SMARCA2: variants seen among roughly 807,000 people sequenced by gnomAD.
The protein encoded by SMARCA2 is SWI/SNF-related matrix-associated actin-dependent regulator of chromatin subfamily A member 2.
SMARCA2 carries 61 observed loss-of-function variants against 199.8 expected under a neutral mutation model. The ratio of observed to expected loss-of-function variants is 0.31; its 90% confidence interval spans 0.25 to 0.38. The LOEUF is 0.38. Among genes scored for constraint, SMARCA2 ranks in the 10% least tolerant of loss-of-function variants. SMARCA2 has a pLI of 1.00. For missense variants in SMARCA2, 1,344 were observed against 2,012.2 expected (o/e 0.67, Z 6.35); for synonymous variants, 935 against 732.0 (o/e 1.28, Z -4.48).
intron 27 of SMARCA2, chr9:2,157,539 A>C: frequency 1.0e-5 from 2 of 198,548 alleles, no homozygotes; most frequent in Non-Finnish European, 2.0e-5. Flanking sequence ...CTGAAATAGC[A>C]GAGTTAGTGT....
chr9:2,160,377 T>C lies in SMARCA2; in HGVS notation c.3982-1309T>C, dbSNP rs1274601226. 4.3e-5 allele frequency: 23 copies of C among 534,230 alleles called. No homozygotes were observed. In the East Asian group the frequency reaches 6.4e-4, roughly 15 times the overall value. The allele number at this position is 534,230 out of a possible 1,614,324, so 33.1% of individuals were successfully genotyped here. ...AATCTGTCTGTGTGCATGTTGCTTC[T>C]ATGGATTTGCACATTGGAGGATGCG... On this transcript the variant is annotated intron_variant, in intron 27 of 33. Coordinates refer to ENST00000349721, the MANE Select transcript of SMARCA2 (RefSeq NM_003070.5).
At chr9:2,065,507 T>C (rs1820801308) in intron 9 of SMARCA2, among the ~76,000 whole-genome samples, 1 of 152,182 alleles carries the variant, frequency 6.6e-6, no homozygotes, top group South Asian at 2.1e-4. Flanking sequence ...GACTGTGATA[T>C]TTTGCAGGTT....
intron 3 of SMARCA2, among the ~76,000 whole-genome samples, chr9:2,037,726 A>G (rs1819394534): frequency 6.6e-6 from 1 of 152,162 alleles, no homozygotes; most frequent in Non-Finnish European, 1.5e-5. Context: ...CTTTGTGAGA[A>G]CTGTGACACG....
chr9:2,189,716 G>C (rs952642587), intron 32 of SMARCA2, among the ~76,000 whole-genome samples: 1 of 151,958 alleles, frequency 6.6e-6, no homozygotes, highest in Non-Finnish European at 1.5e-5. Flanking sequence ...GGGTATAATA[G>C]ATAGAAGCCT....
Position 2,119,599 on chromosome 9 carries a change from GAAT to G in SMARCA2, c.3762+65_3762+67del. The G allele has an allele frequency of 8.8e-7, 1 of 1,136,098 alleles. No individual in the cohort carries two copies. Among genetic ancestry groups the G allele is most frequent in the African/African-American group, 1.5e-5 (1 of 65,818 alleles). 70.4% of individuals were successfully genotyped at this position (1,136,098 alleles called of 1,614,324 possible). On this transcript the variant is annotated intron_variant, in intron 26 of 33. Coordinates refer to ENST00000349721, the MANE Select transcript of SMARCA2 (RefSeq NM_003070.5). The surrounding 1 kb of genome is among the most constrained non-coding windows in gnomAD (Gnocchi z 4.6). ...CCTCTGCCCCTTTTTCTGTTAAGCA[GAAT>G]GTCTGCAGCCTGCGTGCCTGGCAGA...
chr9:2,050,917 CTG>C (rs1820090532), intron 5 of SMARCA2, among the ~76,000 whole-genome samples: 1 of 152,206 alleles, frequency 6.6e-6, no homozygotes, highest in Non-Finnish European at 1.5e-5. Context: ...ACTGTTCAAT[CTG>C]TATGAAAAAC....
rs191101061 is a variant in SMARCA2 at position 2,180,753 on chromosome 9, C to G, written c.4254-818C>G. Among the ~76,000 whole-genome samples the G allele has an allele frequency of 3.5e-3, 534 of 152,304 alleles. 2 individuals carry two copies. Among genetic ancestry groups the G allele is most frequent in the African/African-American group, 0.012 (509 of 41,566 alleles). On this transcript the variant is annotated intron_variant, in intron 29 of 33. Transcript: ENST00000349721. The stretch of plus-strand genomic sequence containing the variant: ...TTCCAACAGTAAGTGATGTTAAAAG[C>G]TCATATGCTTTGTAGCCTGTGTTTG...
At chr9:2,078,802 G>A (rs1279942143) in intron 14 of SMARCA2, among the ~76,000 whole-genome samples, 3 of 152,000 alleles carry the variant, frequency 2.0e-5, no homozygotes, top group Admixed American at 1.3e-4. Context: ...AAAATTAGCT[G>A]GGTGTGGTGG....
In SMARCA2 at chr9:2,060,919, A is replaced by G. The variant is rs767419753; in HGVS notation, c.1625A>G (p.Asn542Ser). The change falls in exon 9 of 34, where the codon AAT becomes AGT. Residue 542 changes from asparagine (N) to serine (S), a missense_variant. This residue lies in a region of SMARCA2 where 68 missense variants were observed against 70.4 expected (regional missense o/e 0.97). Transcript: ENST00000349721. ...GATGAGTATGTAGCCAATCTGACCAATCTGGTTTGGGAGCACAAGCAAGCC... is the reference window on the plus strand; with the variant it reads ...GATGAGTATGTAGCCAATCTGACCAGTCTGGTTTGGGAGCACAAGCAAGCC... ...QTDEYVANLT[N>S]LVWEHKQAQA... 7 of 1,614,144 alleles carry G rather than the reference A, an allele frequency of 4.3e-6. No homozygotes were observed. The highest frequency in any genetic ancestry group is 1.7e-5 in the Admixed American group (1 of 60,024).
intron 28 of SMARCA2, among the ~76,000 whole-genome samples, chr9:2,165,516 T>C (rs1825891013): frequency 6.6e-6 from 1 of 152,186 alleles, no homozygotes; most frequent in Non-Finnish European, 1.5e-5. Flanking sequence ...GTAGTACTGG[T>C]CTGTTGCTAC....
intron 25 of SMARCA2, among the ~76,000 whole-genome samples, chr9:2,117,822 G>T (rs1282500635): frequency 1.3e-5 from 2 of 152,186 alleles, no homozygotes; most frequent in East Asian, 1.9e-4. Flanking sequence ...CTTCTTGGCT[G>T]CCAGTGTGTC....
chr9:2,123,802 C>T lies in SMARCA2; in HGVS notation c.3846C>T (p.Ser1282=). 5 of 1,613,766 alleles carry T rather than the reference C, an allele frequency of 3.1e-6. No individual in the cohort carries two copies. In the South Asian group the frequency reaches 3.3e-5, roughly 11 times the overall value. The change falls in exon 27 of 34, where the codon TCC becomes TCT. Residue 1282 remains serine, a synonymous_variant. Coordinates refer to ENST00000349721, the MANE Select transcript of SMARCA2 (RefSeq NM_003070.5). The surrounding 1 kb of genome is among the most constrained non-coding windows in gnomAD (Gnocchi z 4.1). ...PRLMEEDELP[S]WIIKDDAEVE... ...TAATGGAGGAGGATGAGCTGCCCTCCTGGATCATTAAGGATGACGCTGAAG... is the reference window on the plus strand; with the variant it reads ...TAATGGAGGAGGATGAGCTGCCCTCTTGGATCATTAAGGATGACGCTGAAG...
In SMARCA2 at chr9:2,047,227, AGGCCCGGGGCCGGAGCTGAGC is replaced by A. The variant is rs1406658719; in HGVS notation, c.796_816del (p.Gly266_Pro272del). ...GCTGCCCATGTCGCTCTTGTCCCGC[AGGCCCGGGGCCGGAGCTGAGC>A]GGCCCGAGCACCCCGCAGAAGCTGC... On this transcript the variant is annotated splice_acceptor_variant and coding_sequence_variant, in exon 5 of 34. Coordinates refer to ENST00000349721, the MANE Select transcript of SMARCA2 (RefSeq NM_003070.5). LOFTEE classifies it high-confidence loss of function. 1.1e-5 allele frequency: 11 copies of A among 1,009,404 alleles called. No individual in the cohort carries two copies. Among genetic ancestry groups the A allele is most frequent in the Non-Finnish European group, 1.3e-5 (11 of 846,384 alleles). The allele number at this position is 1,009,404 out of a possible 1,614,324, so 62.5% of individuals were successfully genotyped here.
chr9:2,069,719 T>G (rs1821009105), intron 9 of SMARCA2, among the ~76,000 whole-genome samples: 1 of 152,200 alleles, frequency 6.6e-6, no homozygotes, highest in African/African-American at 2.4e-5. Context: ...TTATATTATG[T>G]TTTTATGCCC....
At chr9:2,189,162 A>G (rs147458875) in intron 32 of SMARCA2, among the ~76,000 whole-genome samples, 282 of 152,294 alleles carry the variant, frequency 1.9e-3, no homozygotes, top group African/African-American at 6.6e-3. Context: ...AGGTTCTTGG[A>G]TTAGGATATG....
At chr9:2,142,247 TAA>T (rs570353010) in intron 27 of SMARCA2, among the ~76,000 whole-genome samples, 28 of 152,336 alleles carry the variant, frequency 1.8e-4, no homozygotes, top group Admixed American at 5.2e-4. Context: ...ACATCAAATT[TAA>T]AGTTTTTAAT....
chr9:2,188,602 C>CATCA (rs568900442), intron 32 of SMARCA2, among the ~76,000 whole-genome samples: 219 of 152,242 alleles, frequency 1.4e-3, no homozygotes, highest in Middle Eastern at 3.4e-3. Flanking sequence ...TTCCCCCATC[C>CATCA]ATCAATTTAG....
intron 1 of SMARCA2, among the ~76,000 whole-genome samples, chr9:2,028,523 C>T (rs16936764): frequency 6.6e-6 from 1 of 152,132 alleles, no homozygotes; most frequent in African/African-American, 2.4e-5. Context: ...GTTTAACTAT[C>T]TTGAAGTTTT....
rs1042760052 is a variant in SMARCA2 at position 2,016,589 on chromosome 9, G to T, written c.-37+1185G>T. Among the ~76,000 whole-genome samples the T allele has an allele frequency of 6.6e-6, 1 of 151,446 alleles. No homozygotes were observed. Among genetic ancestry groups the T allele is most frequent in the Non-Finnish European group, 1.5e-5 (1 of 67,848 alleles). On this transcript the variant is annotated intron_variant, in intron 1 of 33. Transcript: ENST00000349721. This position sits in a 1 kb window ranked among gnomAD's most constrained non-coding sequence, Gnocchi z 5.6. ...ATGATCCGGATAATCCTGTCTGCCT[G>T]ACTGTCACAAACAGGACCCGCGCAC...
Sources: allele counts gnomAD v4.1 joint callset (sites outside exome capture counted in the v4.1 genomes callset), GRCh38; gene constraint gnomAD v4.1.1; regional missense constraint gnomAD v4.1.1; non-coding constraint Gnocchi (gnomAD v3.1); transcripts MANE v1.5; gene names NCBI Gene and HGNC (gene_info 2026-07-23, HGNC 2026-07-21).